The following FGF10 variants were observed in gnomAD, a reference collection of about 807,000 sequenced individuals.
FGF10 encodes FGF-10.
A neutral mutation model predicts 19.8 loss-of-function variants in FGF10; 2 were observed. That is an observed-to-expected ratio of 0.10 (90% CI 0.04 to 0.32). FGF10 has a LOEUF of 0.32. Ranked by LOEUF, FGF10 falls within the 10% of genes least tolerant of loss-of-function variation. The pLI, the probability that FGF10 is intolerant of heterozygous loss-of-function variation, is 1.00. For missense variants in FGF10, 191 were observed against 246.3 expected (o/e 0.78, Z 1.50); for synonymous variants, 112 against 94.0 (o/e 1.19, Z -1.10).
chr5:44,383,698 C>T (rs916745835), intron 1 of FGF10, among the ~76,000 whole-genome samples: 1 of 152,046 alleles, frequency 6.6e-6, no homozygotes, highest in Non-Finnish European at 1.5e-5. Flanking sequence ...GTAAAGGTAA[C>T]AGGACAATGT....
At chr5:44,357,386 A>G (rs1435563400) in intron 1 of FGF10, among the ~76,000 whole-genome samples, 1 of 151,456 alleles carries the variant, frequency 6.6e-6, no homozygotes, top group African/African-American at 2.4e-5. Context: ...GTTTATAGAT[A>G]TAAAAGTTGA....
At chr5:44,339,770 C>T (rs1740927001) in intron 1 of FGF10, among the ~76,000 whole-genome samples, 1 of 152,088 alleles carries the variant, frequency 6.6e-6, no homozygotes, top group Non-Finnish European at 1.5e-5. Flanking sequence ...AAATTCTTCC[C>T]TTCTTTCAGA....
intron 2 of FGF10, among the ~76,000 whole-genome samples, chr5:44,307,580 G>A (rs1459693115): frequency 3.3e-5 from 5 of 152,150 alleles, no homozygotes; most frequent in Non-Finnish European, 7.4e-5. Context: ...TAATTCAAGA[G>A]AATAGATATA....
intron 1 of FGF10, among the ~76,000 whole-genome samples, chr5:44,380,658 T>A (rs1424953882): frequency 6.6e-6 from 1 of 152,160 alleles, no homozygotes; most frequent in African/African-American, 2.4e-5. Flanking sequence ...TCATCTTTTT[T>A]AAAATAAATG....
chr5:44,376,333 G>A (rs1266448513), intron 1 of FGF10, among the ~76,000 whole-genome samples: 2 of 151,442 alleles, frequency 1.3e-5, no homozygotes, highest in Admixed American at 1.3e-4. Context: ...GTCAGTAGGG[G>A]GGTGTAGTCG....
At chr5:44,366,451 A>C (rs997101782) in intron 1 of FGF10, among the ~76,000 whole-genome samples, 1 of 151,974 alleles carries the variant, frequency 6.6e-6, no homozygotes, top group African/African-American at 2.4e-5. Context: ...CAGAGCCAGG[A>C]AAGAAGGAGG....
intron 1 of FGF10, among the ~76,000 whole-genome samples, chr5:44,351,207 T>C (rs1741225256): frequency 6.6e-6 from 1 of 151,570 alleles, no homozygotes; most frequent in Non-Finnish European, 1.5e-5. Context: ...CAAAATACAC[T>C]AATCAGATAC....
intron 1 of FGF10, among the ~76,000 whole-genome samples, chr5:44,370,119 A>T (rs1018985017): frequency 6.6e-5 from 10 of 152,148 alleles, no homozygotes; most frequent in African/African-American, 2.4e-4. Context: ...CATGTGGTCC[A>T]TAGACCCAAG....
intron 1 of FGF10, among the ~76,000 whole-genome samples, chr5:44,346,355 A>G (rs1741091372): frequency 6.6e-6 from 1 of 151,924 alleles, no homozygotes; most frequent in Non-Finnish European, 1.5e-5. Context: ...AAAAACAAAT[A>G]TAAAATTATA....
At chr5:44,362,051 A>G (rs1033642188) in intron 1 of FGF10, among the ~76,000 whole-genome samples, 10 of 151,794 alleles carry the variant, frequency 6.6e-5, no homozygotes, top group South Asian at 4.1e-4. Flanking sequence ...CTAAAAAGCC[A>G]TGCCAAACCA....
intron 1 of FGF10, 135 bp from the exon 2 acceptor site, chr5:44,310,665 C>A (rs1740191651): frequency 1.5e-6 from 1 of 653,660 alleles, no homozygotes; most frequent in South Asian, 1.7e-5. Flanking sequence ...GGTAAACAAA[C>A]AAGCAAACAA....
intron 1 of FGF10, among the ~76,000 whole-genome samples, chr5:44,330,416 G>C (rs902523614): frequency 6.6e-6 from 1 of 152,112 alleles, no homozygotes; most frequent in Admixed American, 6.6e-5. Context: ...AAACATCTGG[G>C]AAATATTCAG....
intron 1 of FGF10, among the ~76,000 whole-genome samples, chr5:44,322,903 G>T (rs1354073794): frequency 6.6e-6 from 1 of 151,992 alleles, no homozygotes; most frequent in African/African-American, 2.4e-5. Context: ...AAAGTAATGT[G>T]ACTGAATCCC....
chr5:44,324,659 T>C (rs1740570957), intron 1 of FGF10, among the ~76,000 whole-genome samples: 1 of 152,110 alleles, frequency 6.6e-6, no homozygotes. Flanking sequence ...TGAAATAAAA[T>C]AATTTATAAT....
chr5:44,386,687 G>A (rs1742104737), intron 1 of FGF10, among the ~76,000 whole-genome samples: 1 of 152,126 alleles, frequency 6.6e-6, no homozygotes, highest in Non-Finnish European at 1.5e-5. Context: ...ATCAGATAAT[G>A]TGGTACTTAA....
At chr5:44,318,182 G>A (rs764571233) in intron 1 of FGF10, among the ~76,000 whole-genome samples, 9 of 152,156 alleles carry the variant, frequency 5.9e-5, no homozygotes, top group East Asian at 1.9e-4. Flanking sequence ...GATAAATTGC[G>A]GGAAATGGTA....
At chr5:44,373,290 G>T (rs548105674) in intron 1 of FGF10, among the ~76,000 whole-genome samples, 15 of 152,244 alleles carry the variant, frequency 9.9e-5, no homozygotes, top group African/African-American at 3.6e-4. Context: ...AGGTTGTCTA[G>T]TCGTACCCTT....
At chr5:44,349,591 G>A (rs1172120486) in intron 1 of FGF10, among the ~76,000 whole-genome samples, 1 of 146,094 alleles carries the variant, frequency 6.8e-6, no homozygotes, top group East Asian at 2.0e-4. Flanking sequence ...GTTAGATATG[G>A]CCAAAGTGTA....
At chr5:44,387,926 C>A (rs1229461862) in intron 1 of FGF10, among the ~76,000 whole-genome samples, 1 of 152,054 alleles carries the variant, frequency 6.6e-6, no homozygotes, top group African/African-American at 2.4e-5. Context: ...AGGAGCCTGT[C>A]CCAAAACTCT....
Sources: allele counts gnomAD v4.1 joint callset (sites outside exome capture counted in the v4.1 genomes callset), GRCh38; gene constraint gnomAD v4.1.1; transcripts MANE v1.5; gene names NCBI Gene and HGNC (gene_info 2026-07-23, HGNC 2026-07-21).